NDST4: variants seen among roughly 807,000 people sequenced by gnomAD.
The protein encoded by NDST4 is N-deacetylase and N-sulfotransferase 4.
Under a neutral mutation model 100.8 loss-of-function variants are expected in NDST4, and 63 were observed. That is an observed-to-expected ratio of 0.62 (90% CI 0.51 to 0.77). The LOEUF (loss-of-function observed/expected upper bound fraction) is 0.77, where lower values mean the gene tolerates loss of function less well. Among genes scored for constraint, NDST4 ranks in the 30% least tolerant of loss-of-function variants. The pLI is 0.00. For synonymous variants in NDST4, 377 were observed against 361.8 expected, an observed-to-expected ratio of 1.04 and a Z score of -0.48; for missense variants, 943 against 1,018.4, an observed-to-expected ratio of 0.93 and a Z score of 1.01.
chr4:114,855,381 T>C (rs1443351214), intron 7 of NDST4, among the ~76,000 whole-genome samples: 1 of 152,156 alleles, frequency 6.6e-6, no homozygotes, highest in East Asian at 1.9e-4. Flanking sequence ...TCTCCAATGT[T>C]TTATTTTAGT....
At chr4:115,047,295 T>C (rs1038911480) in intron 2 of NDST4, among the ~76,000 whole-genome samples, 2 of 152,126 alleles carry the variant, frequency 1.3e-5, no homozygotes, top group African/African-American at 2.4e-5. Flanking sequence ...TTTAACTGCA[T>C]AGAAATTAAT....
chr4:115,021,574 A>C (rs1309150448), intron 2 of NDST4, among the ~76,000 whole-genome samples: 1 of 60,478 alleles, frequency 1.7e-5, no homozygotes, highest in Non-Finnish European at 3.3e-5. Context: ...CGTTCCACAT[A>C]TACACATTCC....
chr4:114,897,078 A>G (rs1276345532), intron 6 of NDST4, among the ~76,000 whole-genome samples: 1 of 152,148 alleles, frequency 6.6e-6, no homozygotes, highest in African/African-American at 2.4e-5. Context: ...ACATTGACAC[A>G]TCATTATTAC....
At chr4:115,043,375 T>C (rs544130577) in intron 2 of NDST4, among the ~76,000 whole-genome samples, 1 of 152,198 alleles carries the variant, frequency 6.6e-6, no homozygotes, top group South Asian at 2.1e-4. Context: ...CTTTAGTTAG[T>C]AGAAGGAATA....
chr4:114,963,520 T>C (rs916033398), intron 4 of NDST4, among the ~76,000 whole-genome samples: 1 of 152,326 alleles, frequency 6.6e-6, no homozygotes, highest in South Asian at 2.1e-4. Flanking sequence ...TGCACAGATC[T>C]GTGAATACAC....
chr4:115,018,948 A>C (rs2126263815), intron 2 of NDST4, among the ~76,000 whole-genome samples: 1 of 152,100 alleles, frequency 6.6e-6, no homozygotes, highest in East Asian at 1.9e-4. Flanking sequence ...GCAAATGCTA[A>C]TTTTTATAGG....
At chr4:114,860,084 T>A (rs1174994065) in intron 7 of NDST4, among the ~76,000 whole-genome samples, 11 of 152,184 alleles carry the variant, frequency 7.2e-5, no homozygotes, top group African/African-American at 2.7e-4. Context: ...ATGTTAGAAT[T>A]TACCTTGGAA....
chr4:114,882,081 T>C (rs1011463932), intron 6 of NDST4, among the ~76,000 whole-genome samples: 6 of 151,834 alleles, frequency 4.0e-5, no homozygotes, highest in Non-Finnish European at 8.8e-5. Flanking sequence ...AAAAAAAGGA[T>C]CAAAATTTTC....
chr4:115,112,217 C>G (rs1487322581), intron 1 of NDST4, among the ~76,000 whole-genome samples: 1 of 150,470 alleles, frequency 6.6e-6, no homozygotes, highest in Non-Finnish European at 1.5e-5. Context: ...AAAAAAAAAC[C>G]TTTACATCGT....
Position 114,977,066 on chromosome 4 carries a change from A to G in NDST4, c.1066+121T>C, listed in dbSNP as rs936024396. ...ATTGATTTTGGATTTGGCTACTCAA[A>G]TAATGTGCCCAAGTTTTTCCCATAA... is the stretch of plus-strand genomic sequence containing the variant. On this transcript the variant is annotated intron_variant, in intron 3 of 13. Transcript: ENST00000264363. 8 of 672,230 alleles carry G rather than the reference A, an allele frequency of 1.2e-5. No individual in the cohort carries two copies. The East Asian group carries it at 1.9e-4, about 16-fold the overall frequency. 41.6% of individuals were successfully genotyped at this position (672,230 alleles called of 1,614,324 possible). A position where few individuals can be genotyped will look rare whatever the true frequency, so the allele number is the denominator to read the frequency against.
intron 7 of NDST4, among the ~76,000 whole-genome samples, chr4:114,854,114 C>T (rs1723738529): frequency 6.6e-6 from 1 of 152,186 alleles, no homozygotes; most frequent in African/African-American, 2.4e-5. Flanking sequence ...TTCCTACCAC[C>T]TCCACTTTGC....
chr4:114,921,825 C>G (rs562851560), intron 6 of NDST4, among the ~76,000 whole-genome samples: 1 of 152,066 alleles, frequency 6.6e-6, no homozygotes, highest in South Asian at 2.1e-4. Flanking sequence ...TTCCTATTTT[C>G]TTTTTCCCCC....
chr4:114,952,047 T>C (rs1726000882), intron 4 of NDST4, among the ~76,000 whole-genome samples: 1 of 152,122 alleles, frequency 6.6e-6, no homozygotes, highest in African/African-American at 2.4e-5. Context: ...CATGTATAGG[T>C]ATTTGAAAAG....
At chr4:115,086,330 G>C (rs1244308653) in intron 1 of NDST4, among the ~76,000 whole-genome samples, 4 of 151,998 alleles carry the variant, frequency 2.6e-5, no homozygotes, top group African/African-American at 4.8e-5. Flanking sequence ...AAAGTAATGA[G>C]TAATTGTTAT....
chr4:114,941,143 G>A (rs895384546), intron 4 of NDST4, among the ~76,000 whole-genome samples: 1 of 152,074 alleles, frequency 6.6e-6, no homozygotes, highest in African/African-American at 2.4e-5. Context: ...TTACATTTAC[G>A]TGTAATATGA....
intron 6 of NDST4, among the ~76,000 whole-genome samples, chr4:114,907,676 T>C (rs1724980614): frequency 6.6e-6 from 1 of 151,962 alleles, no homozygotes; most frequent in Non-Finnish European, 1.5e-5. Context: ...TACAAGTTTA[T>C]ACAAGCTAAC....
At chr4:114,935,105 G>A (rs1023007857) in intron 6 of NDST4, 101 bp downstream of exon 6, 12 of 979,356 alleles carry the variant, frequency 1.2e-5, no homozygotes, top group African/African-American at 5.1e-5. Flanking sequence ...AAGATGTGCT[G>A]TAAATAAAGA....
At chr4:114,879,093 T>G (rs2126200221) in intron 6 of NDST4, among the ~76,000 whole-genome samples, 1 of 152,288 alleles carries the variant, frequency 6.6e-6, no homozygotes, top group African/African-American at 2.4e-5. Flanking sequence ...AACGTGAAGT[T>G]TTGATACATC....
At chr4:114,914,617 T>C (rs1725130675) in intron 6 of NDST4, among the ~76,000 whole-genome samples, 1 of 152,118 alleles carries the variant, frequency 6.6e-6, no homozygotes, top group Non-Finnish European at 1.5e-5. Context: ...ATGGGGAACA[T>C]TTTATTGTTT....
Sources: allele counts gnomAD v4.1 joint callset (sites outside exome capture counted in the v4.1 genomes callset), GRCh38; gene constraint gnomAD v4.1.1; transcripts MANE v1.5; gene names NCBI Gene and HGNC (gene_info 2026-07-23, HGNC 2026-07-21).